The following CNTN4 variants were observed in gnomAD, a reference collection of about 807,000 sequenced individuals.
The protein encoded by CNTN4 is contactin-4.
CNTN4 carries 77 observed loss-of-function variants against 122.5 expected under a neutral mutation model. That is an observed-to-expected ratio of 0.63 (90% confidence interval 0.52 to 0.76). The LOEUF (loss-of-function observed/expected upper bound fraction) is 0.76, where lower values mean the gene tolerates loss of function less well. CNTN4 is among the 30% of genes least tolerant of loss of function. The pLI, the probability that CNTN4 is intolerant of heterozygous loss-of-function variation, is 0.00. For missense variants in CNTN4, 1,256 were observed against 1,259.1 expected (o/e 1.00, Z 0.04); for synonymous variants, 512 against 447.0 (o/e 1.15, Z -1.83).
At chr3:2,193,745 A>G (rs2037701547) in intron 2 of CNTN4, among the ~76,000 whole-genome samples, 1 of 152,216 alleles carries the variant, frequency 6.6e-6, no homozygotes, top group Admixed American at 6.5e-5. Context: ...TGGCCCCATA[A>G]GATTATAATA....
intron 3 of CNTN4, among the ~76,000 whole-genome samples, chr3:2,569,668 A>G (rs2616588): frequency 0.78 from 117,841 of 151,898 alleles, 45,933 homozygotes; most frequent in East Asian, 0.91. Context: ...ACAAGATTCA[A>G]AGAGAGGCTA....
chr3:2,701,004 T>C (rs2086327912), intron 4 of CNTN4, among the ~76,000 whole-genome samples: 1 of 152,220 alleles, frequency 6.6e-6, no homozygotes. Context: ...GTGAAATTGC[T>C]CATAGATACA....
intron 2 of CNTN4, among the ~76,000 whole-genome samples, chr3:2,144,623 C>G (rs570156836): frequency 6.6e-6 from 1 of 152,056 alleles, no homozygotes. Flanking sequence ...CACGGATTAC[C>G]GAGGATATGA....
chr3:2,250,777 A>G (rs1306589140), intron 2 of CNTN4, among the ~76,000 whole-genome samples: 1 of 151,906 alleles, frequency 6.6e-6, no homozygotes, highest in Non-Finnish European at 1.5e-5. Flanking sequence ...TAATCTTAAC[A>G]GTCCTGAGTG....
chr3:2,467,967 A>G (rs1194986482), intron 3 of CNTN4, among the ~76,000 whole-genome samples: 2 of 152,184 alleles, frequency 1.3e-5, no homozygotes, highest in Non-Finnish European at 2.9e-5. Context: ...TGAAGCCCAA[A>G]GAGAACTTCG....
intron 2 of CNTN4, among the ~76,000 whole-genome samples, chr3:2,138,651 C>T (rs2034829824): frequency 6.6e-6 from 1 of 152,162 alleles, no homozygotes; most frequent in South Asian, 2.1e-4. Context: ...CTTTCTCTTC[C>T]TGCCTGCTGG....
intron 3 of CNTN4, among the ~76,000 whole-genome samples, chr3:2,525,267 T>A (rs577803929): frequency 1.9e-4 from 29 of 152,194 alleles, no homozygotes; most frequent in African/African-American, 7.0e-4. Context: ...TTTTTCCAAT[T>A]GAAAATAGGC....
At chr3:2,424,813 C>T (rs1023443197) in intron 3 of CNTN4, among the ~76,000 whole-genome samples, 5 of 152,122 alleles carry the variant, frequency 3.3e-5, no homozygotes, top group African/African-American at 9.7e-5. Flanking sequence ...TCTCTGATGG[C>T]CAGTGATGGT....
chr3:2,819,378 A>G, intron 6 of CNTN4, 108 bp from the exon 7 acceptor site: 1 of 824,296 alleles, frequency 1.2e-6, no homozygotes, highest in Non-Finnish European at 2.1e-6. Context: ...TATGGGTGCT[A>G]CCAACGCAGT....
At chr3:2,635,920 A>T (rs185568334) in intron 4 of CNTN4, among the ~76,000 whole-genome samples, 1 of 152,094 alleles carries the variant, frequency 6.6e-6, no homozygotes, top group Non-Finnish European at 1.5e-5. Context: ...CTCACGCATC[A>T]TTATTGCCTA....
chr3:2,368,667 A>G (rs952861684), intron 3 of CNTN4, among the ~76,000 whole-genome samples: 1 of 143,110 alleles, frequency 7.0e-6, no homozygotes, highest in African/African-American at 2.8e-5. Context: ...TTTCTTAAAT[A>G]ATAAAAAAAA....
At chr3:2,914,953 T>G (rs181832988) in intron 12 of CNTN4, among the ~76,000 whole-genome samples, 149 of 152,346 alleles carry the variant, frequency 9.8e-4, no homozygotes, top group African/African-American at 3.5e-3. Flanking sequence ...ATACCTGAAA[T>G]GCAAAGATGG....
intron 2 of CNTN4, among the ~76,000 whole-genome samples, chr3:2,275,697 G>A (rs1287534948): frequency 1.3e-5 from 2 of 151,804 alleles, no homozygotes; most frequent in African/African-American, 2.4e-5. Context: ...TGAGGCGGGC[G>A]GATCATGAGG....
chr3:2,250,641 A>C (rs556341997), intron 2 of CNTN4, among the ~76,000 whole-genome samples: 11 of 152,010 alleles, frequency 7.2e-5, no homozygotes, highest in African/African-American at 2.6e-4. Flanking sequence ...GGAAATAACC[A>C]AACTGTTTTG....
chr3:2,154,011 T>G (rs1346432872), intron 2 of CNTN4, among the ~76,000 whole-genome samples: 2 of 152,320 alleles, frequency 1.3e-5, no homozygotes, highest in East Asian at 3.9e-4. Flanking sequence ...TCATACTGGT[T>G]TGAAGCAATA....
rs190738627 is a variant in CNTN4, at chr3:3,007,106, T to G, written c.1486+18634T>G. Among the ~76,000 whole-genome samples the G allele has an allele frequency of 2.3e-3, 346 of 152,140 alleles. 4 individuals carry two copies. The highest frequency in any genetic ancestry group is 8.0e-3 in the African/African-American group (332 of 41,550). On this transcript the variant is annotated intron_variant, in intron 14 of 24. Transcript: ENST00000418658. The stretch of plus-strand genomic sequence containing the variant: ...TCACTCTCCTCCTAGAAAAAGTAAA[T>G]CATTACTGTATATCTACTTCTTATA...
At chr3:2,535,349 A>G (rs919691074) in intron 3 of CNTN4, among the ~76,000 whole-genome samples, 3 of 152,096 alleles carry the variant, frequency 2.0e-5, no homozygotes, top group African/African-American at 7.2e-5. Flanking sequence ...TGTATCTCTT[A>G]CTGATATCTG....
intron 2 of CNTN4, among the ~76,000 whole-genome samples, chr3:2,139,898 TA>T (rs2034908271): frequency 6.6e-6 from 1 of 152,250 alleles, no homozygotes; most frequent in African/African-American, 2.4e-5. Flanking sequence ...TTTGTCTGTG[TA>T]CCCACCCAAA....
At chr3:2,762,222 A>G (rs1458603990) in intron 6 of CNTN4, among the ~76,000 whole-genome samples, 1 of 152,172 alleles carries the variant, frequency 6.6e-6, no homozygotes, top group African/African-American at 2.4e-5. Flanking sequence ...TAATTTTTCA[A>G]CTTTTTAATT....
Sources: gnomAD v4.1 joint callset for allele counts (sites outside exome capture counted in the v4.1 genomes callset) on GRCh38, gnomAD v4.1.1 for gene constraint, MANE v1.5 for transcripts, NCBI Gene and HGNC (gene_info 2026-07-23, HGNC 2026-07-21) for gene names.